SETBP1: variants seen among roughly 807,000 people sequenced by gnomAD.
SETBP1 encodes SET-binding protein.
In SETBP1, 9 loss-of-function variants were observed where a neutral mutation model predicts 101.0. That is an observed-to-expected ratio of 0.09 (90% CI 0.05 to 0.16). The LOEUF (loss-of-function observed/expected upper bound fraction) is 0.16. Ranked by LOEUF, SETBP1 falls within the 10% of genes least tolerant of loss-of-function variation. The pLI, the probability that SETBP1 is intolerant of heterozygous loss-of-function variation, is 1.00. For missense variants in SETBP1, 1,858 were observed against 2,033.8 expected (o/e 0.91, Z 1.66); for synonymous variants, 818 against 788.5 (o/e 1.04, Z -0.63).
At chr18:44,710,699 C>A (rs1188611444) in intron 2 of SETBP1, among the ~76,000 whole-genome samples, 1 of 152,178 alleles carries the variant, frequency 6.6e-6, no homozygotes, top group Admixed American at 6.5e-5. Context: ...ATCTGCCCAC[C>A]TCAGCCTCCC....
chr18:44,872,084 T>A (rs2069289500), intron 3 of SETBP1: 1 of 152,202 alleles, frequency 6.6e-6, no homozygotes, highest in Admixed American at 6.5e-5. Context: ...CCTTTCTAAG[T>A]CTTTGGGTTA....
intron 2 of SETBP1, among the ~76,000 whole-genome samples, chr18:44,714,715 G>T (rs2069424835): frequency 6.6e-6 from 1 of 151,764 alleles, no homozygotes; most frequent in Non-Finnish European, 1.5e-5. Flanking sequence ...GTTTAATGGG[G>T]TTTTCAGCCT....
intron 5 of SETBP1, among the ~76,000 whole-genome samples, chr18:45,048,978 C>CAAAAAAAAAAAAAAAAAA (rs71177665): frequency 1.3e-4 from 6 of 46,650 alleles, no homozygotes; most frequent in Admixed American, 3.2e-4. Context: ...GACTCCGTCT[C>CAAAAAAAAAAAAAAAAAA]AAAAAAAAAA....
At chr18:44,836,678 G>A (rs1469177496) in intron 2 of SETBP1, among the ~76,000 whole-genome samples, 1 of 152,192 alleles carries the variant, frequency 6.6e-6, no homozygotes, top group Non-Finnish European at 1.5e-5. Flanking sequence ...GGCTTACACA[G>A]GTATATAATT....
intron 4 of SETBP1, among the ~76,000 whole-genome samples, chr18:44,972,689 G>A (rs982006550): frequency 2.6e-5 from 4 of 152,246 alleles, no homozygotes; most frequent in African/African-American, 9.6e-5. Flanking sequence ...TCTGTTATTG[G>A]TGTTTAAGAA....
intron 2 of SETBP1, among the ~76,000 whole-genome samples, chr18:44,774,537 A>T (rs1380220494): frequency 1.3e-5 from 2 of 152,188 alleles, no homozygotes; most frequent in Non-Finnish European, 2.9e-5. Flanking sequence ...ATAGGTGGTG[A>T]TCACAAGTAG....
At chr18:44,864,276 G>A (rs654269) in intron 2 of SETBP1, among the ~76,000 whole-genome samples, 52,613 of 151,854 alleles carry the variant, frequency 0.35, 9,205 homozygotes, top group South Asian at 0.43. Flanking sequence ...GGTGGGAGAC[G>A]CAAAGAGAGA....
intron 4 of SETBP1, among the ~76,000 whole-genome samples, chr18:44,973,804 A>T (rs1351918364): frequency 6.6e-6 from 1 of 152,164 alleles, no homozygotes; most frequent in African/African-American, 2.4e-5. Context: ...AGGCAGACAG[A>T]GGAGGGGCAG....
intron 2 of SETBP1, among the ~76,000 whole-genome samples, chr18:44,722,150 G>GAAATCTTTGTGGC (rs1482327806): frequency 2.6e-5 from 4 of 152,012 alleles, no homozygotes; most frequent in Admixed American, 6.5e-5. Context: ...ACATGCATGT[G>GAAATCTTTGTGGC]TGTACCGAAA....
At chr18:44,923,235 T>C (rs555474275) in intron 3 of SETBP1, among the ~76,000 whole-genome samples, 50 of 152,344 alleles carry the variant, frequency 3.3e-4, no homozygotes, top group African/African-American at 1.2e-3. Context: ...TTGAAGAACA[T>C]GGAACTTCCC....
chr18:44,896,983 A>G (rs1313058144), intron 3 of SETBP1, among the ~76,000 whole-genome samples: 1 of 152,136 alleles, frequency 6.6e-6, no homozygotes, highest in East Asian at 1.9e-4. Flanking sequence ...GCAAGGGTTG[A>G]TCGGAAATGT....
intron 2 of SETBP1, among the ~76,000 whole-genome samples, chr18:44,791,918 G>C (rs2071380487): frequency 6.6e-6 from 1 of 151,986 alleles, no homozygotes; most frequent in Non-Finnish European, 1.5e-5. Flanking sequence ...TCTTCTTCAT[G>C]ACCTCCTACT....
chr18:44,878,814 T>C (rs1037686044), intron 3 of SETBP1, among the ~76,000 whole-genome samples: 3 of 152,186 alleles, frequency 2.0e-5, no homozygotes, highest in Non-Finnish European at 4.4e-5. Context: ...AGACATCCAT[T>C]GAGAGGTGTC....
intron 2 of SETBP1, among the ~76,000 whole-genome samples, chr18:44,861,881 A>G (rs1280295086): frequency 5.3e-5 from 8 of 152,264 alleles, no homozygotes; most frequent in Non-Finnish European, 2.9e-5. Flanking sequence ...GGGGTGGGAC[A>G]AACTTCTGTA....
chr18:44,986,205 T>C (rs1270450301), intron 4 of SETBP1: 5 of 152,214 alleles, frequency 3.3e-5, no homozygotes, highest in Non-Finnish European at 5.9e-5. Context: ...TACTGAATAC[T>C]GTAGATAACT....
chr18:44,720,981 G>A (rs146509407), intron 2 of SETBP1, among the ~76,000 whole-genome samples: 15 of 142,680 alleles, frequency 1.1e-4, no homozygotes, highest in South Asian at 6.9e-4. Flanking sequence ...ATCATACTGC[G>A]TCCAGCATTG....
chr18:44,802,660 G>A (rs564115710), intron 2 of SETBP1, among the ~76,000 whole-genome samples: 1 of 152,178 alleles, frequency 6.6e-6, no homozygotes, highest in African/African-American at 2.4e-5. Context: ...AACTGAATCT[G>A]CTTGAGAGAG....
chr18:45,040,153 A>G (rs2073480759), intron 5 of SETBP1, among the ~76,000 whole-genome samples: 1 of 152,140 alleles, frequency 6.6e-6, no homozygotes, highest in Non-Finnish European at 1.5e-5. Flanking sequence ...TCTTGCTCTG[A>G]AGGAATGGGG....
intron 3 of SETBP1, chr18:44,876,669 C>A (rs767687415): frequency 6.5e-6 from 10 of 1,549,400 alleles, no homozygotes; most frequent in African/African-American, 2.8e-5. Flanking sequence ...GCTTCTCATG[C>A]CCCCGGAACC....
Sources: allele counts gnomAD v4.1 joint callset (sites outside exome capture counted in the v4.1 genomes callset), GRCh38; gene constraint gnomAD v4.1.1; transcripts MANE v1.5; gene names NCBI Gene and HGNC (gene_info 2026-07-23, HGNC 2026-07-21).